Variants in SP1 observed in about 807,000 individuals in gnomAD.
SP1 encodes the protein Sp1 transcription factor.
In SP1, 6 loss-of-function variants were observed where a neutral mutation model predicts 66.3. That is an observed-to-expected ratio of 0.09 (90% CI 0.05 to 0.18). The LOEUF (loss-of-function observed/expected upper bound fraction) is 0.18, where lower values mean the gene tolerates loss of function less well. SP1 is among the 10% of genes least tolerant of loss of function. The pLI is 1.00. For synonymous variants in SP1, 417 were observed against 360.8 expected (o/e 1.16, Z -1.77); for missense variants, 848 against 964.5 (o/e 0.88, Z 1.60).
intron 3 of SP1, among the ~76,000 whole-genome samples, chr12:53,389,940 A>G (rs1198320134): frequency 6.6e-6 from 1 of 152,140 alleles, no homozygotes; most frequent in South Asian, 2.1e-4. Flanking sequence ...ACAATTTCAC[A>G]TCTGCTGGGT....
intron 1 of SP1, 106 bp from the exon 2 acceptor site, chr12:53,381,553 G>T: frequency 1.9e-6 from 2 of 1,040,304 alleles, no homozygotes; most frequent in Admixed American, 5.9e-5. Context: ...GGTGGCTTTC[G>T]CCTTCCTGTT....
At chr12:53,396,426 G>A (rs1938491573) in intron 3 of SP1, among the ~76,000 whole-genome samples, 1 of 151,770 alleles carries the variant, frequency 6.6e-6, no homozygotes, top group African/African-American at 2.4e-5. Context: ...AAATTACCCG[G>A]GCATGGTGAT....
intron 3 of SP1, among the ~76,000 whole-genome samples, chr12:53,388,290 C>T (rs1176825195): frequency 6.6e-6 from 1 of 152,140 alleles, no homozygotes; most frequent in African/African-American, 2.4e-5. Flanking sequence ...TTCTAAAAGG[C>T]TTATAACTTA....
intron 4 of SP1, among the ~76,000 whole-genome samples, chr12:53,409,066 A>G (rs1938820604): frequency 6.6e-6 from 1 of 151,144 alleles, no homozygotes; most frequent in Non-Finnish European, 1.5e-5. Context: ...CTGCACTAAA[A>G]ATATAAAAAT....
intron 3 of SP1, among the ~76,000 whole-genome samples, chr12:53,404,005 A>G (rs887397504): frequency 2.6e-5 from 4 of 151,376 alleles, no homozygotes; most frequent in Non-Finnish European, 5.9e-5. Context: ...CCCCGTCTCT[A>G]CTAAAAATAC....
intron 3 of SP1, among the ~76,000 whole-genome samples, chr12:53,399,628 G>A (rs1938565391): frequency 7.0e-6 from 1 of 143,352 alleles, no homozygotes; most frequent in South Asian, 2.2e-4. Flanking sequence ...ACCGCGCCCT[G>A]CCTTATTTGT....
chr12:53,389,729 A>G (rs1370961384), intron 3 of SP1, among the ~76,000 whole-genome samples: 2 of 151,860 alleles, frequency 1.3e-5, no homozygotes, highest in Non-Finnish European at 1.5e-5. Flanking sequence ...AAAGCCTCAG[A>G]TGTTTTTCTT....
intron 3 of SP1, among the ~76,000 whole-genome samples, chr12:53,403,877 TA>T (rs35652276): frequency 6.6e-6 from 1 of 151,060 alleles, no homozygotes; most frequent in South Asian, 2.1e-4. Flanking sequence ...CCGGTCTCCT[TA>T]AAAAAAGGAA....
Position 53,382,123 on chromosome 12 carries a change from C to T in SP1, c.176C>T (p.Ser59Phe). Residue 59 changes from serine (S) to phenylalanine (F), a missense_variant, in exon 3 of 6, where the codon TCC becomes TTC. Physicochemically the swap from Ser to Phe is radical, Grantham distance 155. Around this residue, in one of 7 missense-constraint regions of SP1, gnomAD observed 84 missense variants for 73.9 expected, o/e 1.14. Coordinates refer to ENST00000327443, the MANE Select transcript of SP1 (RefSeq NM_138473.3). ...TGGGGQESQP[S>F]PLALLAATCS... ...ATTTTCGGCCAGGAGTCCCAGCCAT[C>T]CCCTTTGGCTCTGCTGGCAGCAACT... 6.2e-7 allele frequency: 1 copy of T among 1,613,910 alleles called. No individual in the cohort carries two copies. Among genetic ancestry groups the T allele is most frequent in the Non-Finnish European group, 8.5e-7 (1 of 1,179,854 alleles).
rs1231423518 is a variant in SP1 at position 53,382,929 on chromosome 12, TCAA to T, written c.984_986del (p.Thr333del). On this transcript the variant is annotated inframe_deletion, in exon 3 of 6. Coordinates refer to ENST00000327443, the MANE Select transcript of SP1 (RefSeq NM_138473.3). ...CTTTTTCACCAATGCCAATAGCTAC[TCAA>T]CTACTACTACCACCAGCAACATGGG... 1.2e-6 allele frequency: 2 copies of T among 1,614,144 alleles called. No homozygotes were observed. Among genetic ancestry groups the T allele is most frequent in the Non-Finnish European group, 1.7e-6 (2 of 1,180,016 alleles).
At chr12:53,405,041 G>T (rs188538428) in intron 3 of SP1, among the ~76,000 whole-genome samples, 1 of 151,262 alleles carries the variant, frequency 6.6e-6, no homozygotes, top group Non-Finnish European at 1.5e-5. Flanking sequence ...AGAGATGGGG[G>T]TTTTACCATG....
chr12:53,403,713 T>C (rs563323950), intron 3 of SP1, among the ~76,000 whole-genome samples: 3 of 152,234 alleles, frequency 2.0e-5, no homozygotes, highest in South Asian at 2.1e-4. Flanking sequence ...TGTGATAGAC[T>C]AATACTTATT....
chr12:53,395,778 T>A (rs1294880294), intron 3 of SP1, among the ~76,000 whole-genome samples: 2 of 145,928 alleles, frequency 1.4e-5, no homozygotes, highest in Non-Finnish European at 1.5e-5. Flanking sequence ...CCATCCTGGC[T>A]AACATGGTGA....
chr12:53,386,809 C>G (rs1938239414), intron 3 of SP1, among the ~76,000 whole-genome samples: 1 of 151,698 alleles, frequency 6.6e-6, no homozygotes, highest in Admixed American at 6.6e-5. Context: ...ATTTTAAATT[C>G]CATTGTATGG....
intron 1 of SP1, among the ~76,000 whole-genome samples, chr12:53,380,970 G>A (rs1405989154): frequency 1.4e-5 from 1 of 69,860 alleles, no homozygotes; most frequent in Admixed American, 1.7e-4. Flanking sequence ...TTTTTTTTGA[G>A]ACGGAGTTTT....
At chr12:53,401,550 T>C (rs1250638256) in intron 3 of SP1, among the ~76,000 whole-genome samples, 1 of 151,718 alleles carries the variant, frequency 6.6e-6, no homozygotes, top group East Asian at 1.9e-4. Flanking sequence ...AGATGTAAAC[T>C]GCAGAGTCAA....
intron 3 of SP1, among the ~76,000 whole-genome samples, chr12:53,394,438 T>C (rs1938428965): frequency 7.6e-6 from 1 of 131,680 alleles, no homozygotes; most frequent in Non-Finnish European, 1.6e-5. Flanking sequence ...TTTGTGAGGG[T>C]ATTGCTCTGG....
chr12:53,409,592 G>A, intron 5 of SP1, 31 bp downstream of exon 5: 1 of 1,553,352 alleles, frequency 6.4e-7, no homozygotes, highest in Non-Finnish European at 8.9e-7. Flanking sequence ...GAGAAAAATA[G>A]TAATAGACTA....
At chr12:53,408,323 A>C (rs1456838204) in intron 4 of SP1, among the ~76,000 whole-genome samples, 2 of 145,942 alleles carry the variant, frequency 1.4e-5, no homozygotes, top group African/African-American at 5.0e-5. Flanking sequence ...TGCAACCTCC[A>C]CCTCCCAGGT....
Sources: gnomAD v4.1 joint callset for allele counts (sites outside exome capture counted in the v4.1 genomes callset) on GRCh38, gnomAD v4.1.1 for gene constraint, gnomAD v4.1.1 regional missense constraint, MANE v1.5 for transcripts, NCBI Gene and HGNC (gene_info 2026-07-23, HGNC 2026-07-21) for gene names.